Variants in GPC6 observed in about 807,000 individuals in gnomAD.
GPC6 encodes the protein glypican-6.
Under a neutral mutation model 55.2 loss-of-function variants are expected in GPC6, and 14 were observed. The observed-to-expected ratio is 0.25, with a 90% CI of 0.17 to 0.40. The LOEUF is 0.40. Among genes scored for constraint, GPC6 ranks in the 10% least tolerant of loss-of-function variants. The pLI is 1.00. For missense variants in GPC6, 641 were observed against 708.5 expected (o/e 0.90, Z 1.08); for synonymous variants, 278 against 259.6 (o/e 1.07, Z -0.68).
At chr13:93,999,477 C>G (rs1175954731) in intron 3 of GPC6, among the ~76,000 whole-genome samples, 1 of 152,108 alleles carries the variant, frequency 6.6e-6, no homozygotes, top group Non-Finnish European at 1.5e-5. Flanking sequence ...GTGAATAGTG[C>G]CACAATAAAC....
intron 2 of GPC6, among the ~76,000 whole-genome samples, chr13:93,792,076 T>C (rs1038561083): frequency 6.6e-6 from 1 of 152,232 alleles, no homozygotes; most frequent in African/African-American, 2.4e-5. Flanking sequence ...TTCCTTTCAT[T>C]CTTAGCCATT....
At chr13:93,703,877 A>C (rs1321021557) in intron 2 of GPC6, among the ~76,000 whole-genome samples, 1 of 151,986 alleles carries the variant, frequency 6.6e-6, no homozygotes, top group Non-Finnish European at 1.5e-5. Context: ...CCGTGATTAC[A>C]GGATTTCATT....
intron 2 of GPC6, among the ~76,000 whole-genome samples, chr13:93,710,922 C>A (rs1352961217): frequency 6.6e-6 from 1 of 151,768 alleles, no homozygotes; most frequent in African/African-American, 2.4e-5. Context: ...ACAATATAAT[C>A]ATATACTCAA....
intron 1 of GPC6, among the ~76,000 whole-genome samples, chr13:93,406,303 A>G (rs1314007163): frequency 2.0e-5 from 3 of 152,166 alleles, no homozygotes; most frequent in Admixed American, 6.5e-5. Flanking sequence ...ACAGTGCTCC[A>G]GGCAGCCACC....
At chr13:93,504,587 G>A (rs746556339) in intron 1 of GPC6, among the ~76,000 whole-genome samples, 2 of 138,316 alleles carry the variant, frequency 1.4e-5, no homozygotes, top group Middle Eastern at 8.0e-3. Flanking sequence ...CCCATATTTT[G>A]TTGCAGTAAA....
At chr13:93,517,989 T>TA (rs397754909) in intron 1 of GPC6, among the ~76,000 whole-genome samples, 3 of 148,614 alleles carry the variant, frequency 2.0e-5, no homozygotes, top group Admixed American at 1.4e-4. Flanking sequence ...TTATTATTAT[T>TA]TTTAGGGGTA....
In GPC6 at chr13:94,030,244, C is replaced by T. The variant is rs1332671968; in HGVS notation, c.877+2350C>T. Among the ~76,000 whole-genome samples, 6 of 151,974 alleles carry T rather than the reference C, an allele frequency of 3.9e-5. No homozygotes were observed. In the East Asian group the frequency reaches 7.7e-4, roughly 20 times the overall value. ...CAGGATGGTCTCGATTTCCTGACCT[C>T]GTGATCTGCCCGCCTCGGCCTCCCA... On this transcript the variant is annotated intron_variant, in intron 4 of 8. Coordinates refer to ENST00000377047, the MANE Select transcript of GPC6 (RefSeq NM_005708.5).
intron 2 of GPC6, among the ~76,000 whole-genome samples, chr13:93,593,111 G>C (rs895580734): frequency 2.6e-5 from 4 of 151,968 alleles, no homozygotes; most frequent in Non-Finnish European, 5.9e-5. Context: ...AATTTTCTTT[G>C]AGAACATTTG....
At chr13:93,627,624 T>C (rs1879257378) in intron 2 of GPC6, among the ~76,000 whole-genome samples, 1 of 152,188 alleles carries the variant, frequency 6.6e-6, no homozygotes, top group Admixed American at 6.5e-5. Flanking sequence ...AGTGCCACAT[T>C]TATTGTATTA....
At chr13:93,725,996 G>T (rs1883622524) in intron 2 of GPC6, among the ~76,000 whole-genome samples, 1 of 151,782 alleles carries the variant, frequency 6.6e-6, no homozygotes, top group African/African-American at 2.4e-5. Context: ...AAAATGTAGT[G>T]GCCCAATTAA....
At chr13:93,630,778 T>C (rs1242664166) in intron 2 of GPC6, among the ~76,000 whole-genome samples, 2 of 152,158 alleles carry the variant, frequency 1.3e-5, no homozygotes, top group African/African-American at 4.8e-5. Context: ...ATATACTTTC[T>C]TTTAGCATAA....
intron 1 of GPC6, among the ~76,000 whole-genome samples, chr13:93,320,249 C>G (rs142167951): frequency 0.015 from 2,237 of 152,040 alleles, 50 homozygotes; most frequent in African/African-American, 0.052. Flanking sequence ...TATATTTGTT[C>G]CAGAATAACT....
chr13:93,881,914 A>G (rs553525825), intron 3 of GPC6, among the ~76,000 whole-genome samples: 10 of 152,076 alleles, frequency 6.6e-5, no homozygotes, highest in African/African-American at 1.2e-4. Context: ...TAATTTCAGA[A>G]TTGTTAACTT....
intron 6 of GPC6, among the ~76,000 whole-genome samples, chr13:94,365,778 C>G (rs969019712): frequency 1.3e-5 from 2 of 152,170 alleles, no homozygotes; most frequent in Non-Finnish European, 2.9e-5. Context: ...ATATCATGCT[C>G]AGTGACACCA....
chr13:94,334,050 A>T (rs1324969196), intron 6 of GPC6, among the ~76,000 whole-genome samples: 1 of 152,200 alleles, frequency 6.6e-6, no homozygotes, highest in Non-Finnish European at 1.5e-5. Context: ...CATTGCCTTT[A>T]TCAAGATTTG....
At chr13:93,392,813 C>G (rs1321664843) in intron 1 of GPC6, among the ~76,000 whole-genome samples, 1 of 152,096 alleles carries the variant, frequency 6.6e-6, no homozygotes, top group African/African-American at 2.4e-5. Flanking sequence ...CACCCACATC[C>G]ATAACACAGG....
chr13:94,203,971 C>CA (rs1463688121), intron 4 of GPC6, among the ~76,000 whole-genome samples: 1 of 152,008 alleles, frequency 6.6e-6, no homozygotes, highest in Admixed American at 6.5e-5. Flanking sequence ...TCATTTTCAC[C>CA]AAAAGTCTCA....
At chr13:93,498,120 A>G (rs1880379020) in intron 1 of GPC6, among the ~76,000 whole-genome samples, 1 of 152,190 alleles carries the variant, frequency 6.6e-6, no homozygotes, top group African/African-American at 2.4e-5. Flanking sequence ...GCTGGCTGCC[A>G]TGTTTCCTCC....
chr13:93,540,719 A>G (rs995972116), intron 1 of GPC6, among the ~76,000 whole-genome samples: 7 of 152,146 alleles, frequency 4.6e-5, no homozygotes, highest in Non-Finnish European at 8.8e-5. Flanking sequence ...GCATTTTGAA[A>G]CTATGTAATA....
Sources: gnomAD v4.1 joint callset for allele counts (sites outside exome capture counted in the v4.1 genomes callset) on GRCh38, gnomAD v4.1.1 for gene constraint, MANE v1.5 for transcripts, NCBI Gene and HGNC (gene_info 2026-07-23, HGNC 2026-07-21) for gene names.